PDSS1: variants seen among roughly 807,000 people sequenced by gnomAD.
The protein encoded by PDSS1 is decaprenyl diphosphate synthase subunit 1, also known as all trans-polyprenyl-diphosphate synthase PDSS1.
A neutral mutation model predicts 57.5 loss-of-function variants in PDSS1; 43 were observed. That is an observed-to-expected ratio of 0.75 (90% CI 0.59 to 0.96). The LOEUF (loss-of-function observed/expected upper bound fraction) is 0.96. Ranked by LOEUF, PDSS1 falls within the 50% of genes least tolerant of loss-of-function variation. The probability of loss-of-function intolerance (pLI) is 0.00; values close to 1 mark genes in which losing one functional copy is unlikely to be tolerated. For missense variants in PDSS1, 438 were observed against 527.8 expected, an observed-to-expected ratio of 0.83 and a Z score of 1.67; for synonymous variants, 175 against 191.3, an observed-to-expected ratio of 0.91 and a Z score of 0.70.
In PDSS1 at chr10:26,735,325, G is replaced by A; in HGVS notation, c.912+5G>A. 1.3e-6 allele frequency: 2 copies of A among 1,596,692 alleles called. No individual in the cohort carries two copies. Among genetic ancestry groups the A allele is most frequent in the East Asian group, 2.2e-5 (1 of 44,810 alleles). On this transcript the variant is annotated splice_donor_5th_base_variant and intron_variant, in intron 9 of 11. Coordinates refer to ENST00000376215, the MANE Select transcript of PDSS1 (RefSeq NM_014317.5). ...AATGTAGGAATAGCTTTTCAGGTTA[G>A]TATGCTTTTTATTTGTAAGAATGGT...
At chr10:26,728,988 C>G (rs1836070130) in intron 8 of PDSS1, among the ~76,000 whole-genome samples, 1 of 151,896 alleles carries the variant, frequency 6.6e-6, no homozygotes, top group Non-Finnish European at 1.5e-5. Context: ...GCCATTTTGC[C>G]CAGGCTGGTC....
chr10:26,740,202 G>C (rs531449692), intron 10 of PDSS1, among the ~76,000 whole-genome samples: 6 of 151,646 alleles, frequency 4.0e-5, no homozygotes, highest in Admixed American at 2.0e-4. Context: ...CCAGCTACTC[G>C]GGAGGCTGAG....
chr10:26,711,755 C>T lies in PDSS1; in HGVS notation c.467+1987C>T, dbSNP rs1312022196. On this transcript the variant is annotated intron_variant, in intron 5 of 11. Coordinates refer to ENST00000376215, the MANE Select transcript of PDSS1 (RefSeq NM_014317.5). ...GCTGACTCTACCTACTAGATGCCCCCGAGTTGGTAACAATCAAAAATGCCT... is the reference window on the plus strand; with the variant it reads ...GCTGACTCTACCTACTAGATGCCCCTGAGTTGGTAACAATCAAAAATGCCT... Among the ~76,000 whole-genome samples, 7 of 94,928 alleles carry T rather than the reference C, an allele frequency of 7.4e-5. 2 individuals carry two copies. The highest frequency in any genetic ancestry group is 1.4e-4 in the Non-Finnish European group (6 of 41,566). 62.3% of individuals were successfully genotyped at this position (94,928 alleles called of 152,430 possible). A position where few individuals can be genotyped will look rare whatever the true frequency, so the allele number is the denominator to read the frequency against.
intron 1 of PDSS1, among the ~76,000 whole-genome samples, chr10:26,698,416 C>G (rs1297268210): frequency 1.3e-5 from 2 of 152,152 alleles, no homozygotes; most frequent in Non-Finnish European, 2.9e-5. Context: ...TGGAATGACA[C>G]TGGAAGGAGA....
rs1030475073 is a variant in PDSS1, at chr10:26,724,200, C to T, written c.831+77C>T. ...GAGCTAATTTTCCTAGAAAATATTT[C>T]GGTGAAGAATCTTAAAATAGTACCC... On this transcript the variant is annotated intron_variant, in intron 8 of 11. Coordinates refer to ENST00000376215, the MANE Select transcript of PDSS1 (RefSeq NM_014317.5). 54 of 1,025,094 alleles carry T rather than the reference C, an allele frequency of 5.3e-5. No homozygotes were observed. The Admixed American group carries it at 7.9e-4, about 15-fold the overall frequency. 63.5% of individuals were successfully genotyped at this position (1,025,094 alleles called of 1,614,324 possible). A position where few individuals can be genotyped will look rare whatever the true frequency, so the allele number is the denominator to read the frequency against.
intron 10 of PDSS1, chr10:26,740,803 C>T (rs545948093): frequency 5.4e-5 from 21 of 391,880 alleles, no homozygotes; most frequent in African/African-American, 4.2e-5. Context: ...GGAAGTCACT[C>T]GGCTGTGGCA....
chr10:26,725,325 CTG>C (rs71504713), intron 8 of PDSS1, among the ~76,000 whole-genome samples: 3,936 of 152,278 alleles, frequency 0.026, 86 homozygotes, highest in Middle Eastern at 0.041. Flanking sequence ...GTTAGTGTCT[CTG>C]TTTTGAAAAG....
At chr10:26,716,989 G>C (rs1280558953) in intron 5 of PDSS1, among the ~76,000 whole-genome samples, 1 of 152,168 alleles carries the variant, frequency 6.6e-6, no homozygotes, top group Non-Finnish European at 1.5e-5. Flanking sequence ...TCTGTAATCT[G>C]TGCATTTTGG....
chr10:26,716,017 C>T (rs929104415), intron 5 of PDSS1, among the ~76,000 whole-genome samples: 10 of 152,192 alleles, frequency 6.6e-5, no homozygotes, highest in African/African-American at 2.4e-4. Flanking sequence ...TTTCTCTTGA[C>T]ATTAAAATGC....
At chr10:26,744,526 G>A (rs938203453) in intron 11 of PDSS1, among the ~76,000 whole-genome samples, 1 of 152,122 alleles carries the variant, frequency 6.6e-6, no homozygotes, top group African/African-American at 2.4e-5. Context: ...GAGTAGCTGG[G>A]ACTACAGGCA....
chr10:26,742,713 T>C lies in PDSS1; in HGVS notation c.1107+136T>C, dbSNP rs115490323. 98 of 676,626 alleles carry C rather than the reference T, an allele frequency of 1.4e-4. No individual in the cohort carries two copies. The African/African-American group carries it at 1.5e-3, about 11-fold the overall frequency. 41.9% of individuals were successfully genotyped at this position (676,626 alleles called of 1,614,324 possible). A position where few individuals can be genotyped will look rare whatever the true frequency, so the allele number is the denominator to read the frequency against. On this transcript the variant is annotated intron_variant, in intron 11 of 11. Transcript: ENST00000376215. ...GGTCAACTCTTGATGTGACAAAAAC[T>C]GAGAAGGGAAAACTCATTTTTCTGA...
At chr10:26,742,297 A>G (rs1011440302) in intron 10 of PDSS1, among the ~76,000 whole-genome samples, 200 bp from the exon 11 acceptor site, 1 of 152,254 alleles carries the variant, frequency 6.6e-6, no homozygotes, top group Non-Finnish European at 1.5e-5. Context: ...ACACCACCAC[A>G]GTGCCTAGGC....
intron 5 of PDSS1, chr10:26,714,683 G>C (rs1835506428): frequency 6.6e-6 from 1 of 152,126 alleles, no homozygotes. Flanking sequence ...GTTCTAAGAA[G>C]TGAATATCAT....
chr10:26,746,304 T>C lies in PDSS1; in HGVS notation c.1108-29T>C, dbSNP rs114003104. 202 of 1,613,054 alleles carry C rather than the reference T, an allele frequency of 1.3e-4. No homozygotes were observed. The African/African-American group carries it at 2.5e-3, about 20-fold the overall frequency. ...ACGCTGATTCAGTCAGTGACAGGCA[T>C]CTGTTCTGTTTTGTTCTGTATCTTA... On this transcript the variant is annotated intron_variant, in intron 11 of 11. Coordinates refer to ENST00000376215, the MANE Select transcript of PDSS1 (RefSeq NM_014317.5).
chr10:26,697,943 G>A, intron 1 of PDSS1, 103 bp downstream of exon 1: 1 of 1,052,678 alleles, frequency 9.5e-7, no homozygotes, highest in Non-Finnish European at 1.2e-6. Flanking sequence ...GTCGCGACGC[G>A]GGGGCGCGCG....
chr10:26,743,299 C>G (rs940494142), intron 11 of PDSS1, among the ~76,000 whole-genome samples: 2 of 152,172 alleles, frequency 1.3e-5, no homozygotes, highest in Non-Finnish European at 2.9e-5. Flanking sequence ...TTGCAGCCAA[C>G]AGATCTACTG....
At position 26,746,649 on chromosome 10, in the gene PDSS1, AAATGT is replaced by A. The variant is rs1836950690; in HGVS notation, c.*180_*184del. 3.2e-6 allele frequency: 2 copies of A among 628,750 alleles called. No homozygotes were observed. Among genetic ancestry groups the A allele is most frequent in the South Asian group, 1.9e-5 (1 of 53,232 alleles). The allele number at this position is 628,750 out of a possible 1,614,324, so 38.9% of individuals were successfully genotyped here. On this transcript the variant is annotated 3_prime_UTR_variant, in exon 12 of 12. Transcript: ENST00000376215. ...CAAAAGTTTTTTCAGAAAACTTTTT[AAATGT>A]AATTAATAAACCACCTGAATCTGTC...
intron 8 of PDSS1, among the ~76,000 whole-genome samples, chr10:26,734,327 C>A (rs1836314795): frequency 6.6e-6 from 1 of 152,226 alleles, no homozygotes; most frequent in Non-Finnish European, 1.5e-5. Flanking sequence ...TGCAGTGCTC[C>A]AGCTGGCTTT....
rs1252695285 is a variant in PDSS1 at position 26,746,775 on chromosome 10, A to AAAT, written c.*305_*307dup. 6.0e-5 allele frequency: 25 copies of AAAT among 416,140 alleles called. No individual in the cohort carries two copies. The highest frequency in any genetic ancestry group is 1.1e-4 in the Non-Finnish European group (24 of 223,700). The allele number at this position is 416,140 out of a possible 1,614,324, so 25.8% of individuals were successfully genotyped here. On this transcript the variant is annotated 3_prime_UTR_variant, in exon 12 of 12. Coordinates refer to ENST00000376215, the MANE Select transcript of PDSS1 (RefSeq NM_014317.5). ...CCACATGTAAGGCCATTACACAAAT[A>AAAT]AATAACCAATGTTAAAATTCAAATG...
Sources: gnomAD v4.1 joint callset for allele counts (sites outside exome capture counted in the v4.1 genomes callset) on GRCh38, gnomAD v4.1.1 for gene constraint, MANE v1.5 for transcripts, NCBI Gene and HGNC (gene_info 2026-07-23, HGNC 2026-07-21) for gene names.